The following CFAP43 variants were observed in gnomAD, a reference collection of about 807,000 sequenced individuals.
CFAP43 encodes the protein cilia- and flagella-associated protein 43.
A neutral mutation model predicts 218.9 loss-of-function variants in CFAP43; 155 were observed. The observed-to-expected ratio is 0.71, with a 90% CI of 0.62 to 0.81. CFAP43 has a LOEUF of 0.81. Among genes scored for constraint, CFAP43 ranks in the 30% least tolerant of loss-of-function variants. The pLI is 0.00. For synonymous variants in CFAP43, 645 were observed against 681.3 expected (o/e 0.95, Z 0.83); for missense variants, 1,778 against 1,954.3 (o/e 0.91, Z 1.70).
At chr10:104,182,244 T>A (rs1273923776) in intron 17 of CFAP43, 122 bp downstream of exon 17, 1 of 1,122,282 alleles carries the variant, frequency 8.9e-7, no homozygotes, top group Non-Finnish European at 1.2e-6. Context: ...TTGAAAATCA[T>A]GGGATACCTG....
chr10:104,203,386 CAGAGAG>C (rs2090588858), intron 8 of CFAP43: 2 of 376,664 alleles, frequency 5.3e-6, no homozygotes, highest in Non-Finnish European at 9.4e-6. Context: ...ATGGAGGCAG[CAGAGAG>C]GAAACAGAGC....
intron 36 of CFAP43, 69 bp from the exon 37 acceptor site, chr10:104,131,553 A>T: frequency 6.8e-7 from 1 of 1,464,228 alleles, no homozygotes; most frequent in Non-Finnish European, 9.2e-7. Context: ...CTATAAAGAC[A>T]TTATTCTTAT....
chr10:104,191,474 C>T (rs1253267493), intron 12 of CFAP43, among the ~76,000 whole-genome samples: 1 of 152,120 alleles, frequency 6.6e-6, no homozygotes, highest in African/African-American at 2.4e-5. Flanking sequence ...CAATCCTCCG[C>T]ACCCCCTGAC....
Position 104,143,598 on chromosome 10 carries a change from A to G in CFAP43, c.3986T>C (p.Val1329Ala). 1 of 1,614,190 alleles carries G rather than the reference A, an allele frequency of 6.2e-7. No homozygotes were observed. The highest frequency in any genetic ancestry group is 8.5e-7 in the Non-Finnish European group (1 of 1,180,036). The change falls in exon 32 of 38, where the codon GTC (valine) becomes GCC (alanine). Residue 1329 changes from valine (V) to alanine (A), a missense_variant. Val to Ala is a moderately conservative substitution (Grantham distance 64). Coordinates refer to ENST00000357060, the MANE Select transcript of CFAP43 (RefSeq NM_025145.7). The part of the protein sequence containing the change: ...QKTHSETTSV[V>A]PFGELPGSGK... ...AGATCCTGGTAGTTCTCCGAAAGGG[A>G]CAACGCTGGTTGTTTCTGAGTGCGT...
rs1034259201 is a variant in CFAP43 at position 104,228,926 on chromosome 10, G to T, written c.319+1664C>A. 2.6e-5 allele frequency among the ~76,000 whole-genome samples: 4 copies of T among 151,956 alleles called. 1 individual carries two copies. The highest frequency in any genetic ancestry group is 2.6e-4 in the Admixed American group (4 of 15,250). Reference sequence around the variant, plus strand: ...TGATATTAAATAATAGTGATAACAGGTCTCTCTGATTAATATTACTGATTA... The same window carrying T: ...TGATATTAAATAATAGTGATAACAGTTCTCTCTGATTAATATTACTGATTA... On this transcript the variant is annotated intron_variant, in intron 2 of 37. Coordinates refer to ENST00000357060, the MANE Select transcript of CFAP43 (RefSeq NM_025145.7).
At chr10:104,151,445 T>C (rs2088253216) in intron 28 of CFAP43, among the ~76,000 whole-genome samples, 1 of 152,204 alleles carries the variant, frequency 6.6e-6, no homozygotes. Flanking sequence ...TTCTGACTAG[T>C]GTGAGATGGT....
intron 16 of CFAP43, among the ~76,000 whole-genome samples, chr10:104,183,535 G>A (rs373720028): frequency 3.0e-4 from 46 of 152,046 alleles, no homozygotes; most frequent in African/African-American, 9.9e-4. Flanking sequence ...GACTACAGGC[G>A]CCCGCCACCG....
At position 104,143,551 on chromosome 10, in the gene CFAP43, A is replaced by G. The variant is rs755171670; in HGVS notation, c.4033T>C (p.Phe1345Leu). The G allele has an allele frequency of 6.2e-7, 1 of 1,614,198 alleles. No homozygotes were observed. Among genetic ancestry groups the G allele is most frequent in the Non-Finnish European group, 8.5e-7 (1 of 1,180,014 alleles). Residue 1345 changes from phenylalanine (F) to leucine (L), a missense_variant, in exon 32 of 38, where the codon TTT becomes CTT. Around this residue, in one of 3 missense-constraint regions of CFAP43, gnomAD observed 1,553 missense variants for 1,685.2 expected, o/e 0.92. Coordinates refer to ENST00000357060, the MANE Select transcript of CFAP43 (RefSeq NM_025145.7). Reference protein sequence around the residue: ...PGSGKLNKDAFAQLMKAMDEL... With the variant: ...PGSGKLNKDALAQLMKAMDEL... ...TCCATAGCTTTCATTAACTGGGCAAAGGCATCCTTATTCAACTTGCCAGAT... is the reference window on the plus strand; with the variant it reads ...TCCATAGCTTTCATTAACTGGGCAAGGGCATCCTTATTCAACTTGCCAGAT...
intron 33 of CFAP43, among the ~76,000 whole-genome samples, chr10:104,141,405 A>C (rs562007215): frequency 1.4e-3 from 214 of 152,252 alleles, no homozygotes; most frequent in African/African-American, 5.0e-3. Flanking sequence ...TGAGGTCAGG[A>C]GTTCGAGACT....
chr10:104,215,816 C>G lies in CFAP43; in HGVS notation c.417-1390G>C, dbSNP rs373897335. Among the ~76,000 whole-genome samples, 8 of 152,154 alleles carry G rather than the reference C, an allele frequency of 5.3e-5. No individual in the cohort carries two copies. In the East Asian group the frequency reaches 1.5e-3, roughly 29 times the overall value. On this transcript the variant is annotated intron_variant, in intron 3 of 37. Coordinates refer to ENST00000357060, the MANE Select transcript of CFAP43 (RefSeq NM_025145.7). ...GCCATCAGCTGAGAATTCTTGCTCT[C>G]AAGTATAACTACCCATTTGGGTCTG...
Position 104,168,837 on chromosome 10 carries a change from A to G in CFAP43, c.2598T>C (p.Asp866=), listed in dbSNP as rs752307186. Residue 866 remains aspartate (D), a synonymous_variant, in exon 21 of 38, where the codon GAT becomes GAC. Transcript: ENST00000357060. The part of the protein sequence containing the change: ...SQEEVAKMIK[D]VEMHNLAKSY... ...TCTTGGCTAAGTTATGCATCTCTAC[A>G]TCCTTTATCATCTTGAAGAACACAG... 112 of 1,610,736 alleles carry G rather than the reference A, an allele frequency of 7.0e-5. 3 individuals are homozygous for G. The Admixed American group carries it at 1.8e-3, about 26-fold the overall frequency.
At chr10:104,204,952 C>T (rs1466962470) in intron 7 of CFAP43, among the ~76,000 whole-genome samples, 3 of 152,118 alleles carry the variant, frequency 2.0e-5, no homozygotes, top group Non-Finnish European at 4.4e-5. Context: ...CAGTGGCTCA[C>T]GCCTGTAATC....
At chr10:104,156,247 T>C (rs944281115) in intron 27 of CFAP43, among the ~76,000 whole-genome samples, 2 of 152,090 alleles carry the variant, frequency 1.3e-5, no homozygotes, top group Admixed American at 6.5e-5. Context: ...AAGTCAACTG[T>C]ATATCAAACT....
intron 21 of CFAP43, among the ~76,000 whole-genome samples, chr10:104,168,172 A>T (rs887382998): frequency 6.6e-6 from 1 of 152,244 alleles, no homozygotes; most frequent in African/African-American, 2.4e-5. Context: ...TGTATGGCTC[A>T]TGAGGACCCT....
chr10:104,157,775 T>TGTGAGA (rs1484523345), intron 27 of CFAP43, among the ~76,000 whole-genome samples: 237 of 90,150 alleles, frequency 2.6e-3, no homozygotes, highest in Middle Eastern at 0.013. Flanking sequence ...TGTGTGTGTG[T>TGTGAGA]GAGAGAGAGA....
intron 21 of CFAP43, among the ~76,000 whole-genome samples, chr10:104,168,215 G>A (rs972015963): frequency 6.6e-6 from 1 of 152,146 alleles, no homozygotes; most frequent in African/African-American, 2.4e-5. Flanking sequence ...ATAAAATGTA[G>A]GGTGGCCGTA....
At chr10:104,147,791 G>T (rs1006882853) in intron 29 of CFAP43, 100 bp downstream of exon 29, 1 of 706,030 alleles carries the variant, frequency 1.4e-6, no homozygotes, top group African/African-American at 1.8e-5. Flanking sequence ...TAGGAATGGT[G>T]CAAGGAAGGA....
Position 104,167,730 on chromosome 10 carries a change from T to C in CFAP43, c.2699A>G (p.His900Arg), listed in dbSNP as rs748806816. The change falls in exon 22 of 38, where the codon CAT becomes CGT. Residue 900 changes from histidine (H) to arginine (R), a missense_variant. Transcript: ENST00000357060. ...AVKGRALKCF[H>R]IPCVVENFPM... is the part of the protein sequence containing the mutation. ...GAAGTTTTCAACCACACAGGGGATA[T>C]GAAAACACTTGGGGAAAAAAACGCA... The C allele has an allele frequency of 1.2e-6, 2 of 1,603,244 alleles. No homozygotes were observed. Among genetic ancestry groups the C allele is most frequent in the Non-Finnish European group, 1.7e-6 (2 of 1,176,790 alleles).
intron 3 of CFAP43, 89 bp from the exon 4 acceptor site, chr10:104,214,515 G>T: frequency 8.9e-7 from 1 of 1,123,636 alleles, no homozygotes; most frequent in Non-Finnish European, 1.2e-6. Context: ...TACATAAATT[G>T]GGATATAATT....
Sources: gnomAD v4.1 joint callset for allele counts (sites outside exome capture counted in the v4.1 genomes callset) on GRCh38, gnomAD v4.1.1 for gene constraint, gnomAD v4.1.1 regional missense constraint, MANE v1.5 for transcripts, NCBI Gene and HGNC (gene_info 2026-07-23, HGNC 2026-07-21) for gene names.